EPHA10: variants seen among roughly 807,000 people sequenced by gnomAD.
EPHA10 encodes the protein EPH receptor A10.
A neutral mutation model predicts 109.7 loss-of-function variants in EPHA10; 120 were observed. The observed-to-expected ratio is 1.09, with a 90% CI of 0.94 to 1.27. The LOEUF is 1.27. Ranked by LOEUF, EPHA10 falls within the 50% of genes most tolerant of loss-of-function variation. EPHA10 has a pLI of 0.00. For missense variants in EPHA10, 1,396 were observed against 1,411.1 expected (o/e 0.99, Z 0.17); for synonymous variants, 640 against 618.9 (o/e 1.03, Z -0.51).
Position 37,761,630 on chromosome 1 carries a change from T to C in EPHA10, c.625A>G (p.Lys209Glu), listed in dbSNP as rs766201187. The C allele has an allele frequency of 2.5e-6, 4 of 1,604,810 alleles. No homozygotes were observed. The Admixed American group carries it at 5.0e-5, about 20-fold the overall frequency. Reference sequence around the variant, plus strand: ...CCCCGCACGGTGGCGCGGCACTGCTTGTAGTAGACGCGCACCGAGACAAGC... The same window carrying C: ...CCCCGCACGGTGGCGCGGCACTGCTCGTAGTAGACGCGCACCGAGACAAGC... ...VALVSVRVYY[K>E]QCRATVRGLA... The change falls in exon 3 of 17, where the codon AAG (lysine) becomes GAG (glutamate). Residue 209 changes from lysine (K) to glutamate (E), a missense_variant. Transcript: ENST00000373048.
At chr1:37,725,553 T>C (rs1645876751) in intron 8 of EPHA10, among the ~76,000 whole-genome samples, 1 of 145,676 alleles carries the variant, frequency 6.9e-6, no homozygotes, top group Non-Finnish European at 1.5e-5. Flanking sequence ...TGAAGCATTC[T>C]AGGAGGATGG....
In EPHA10 at chr1:37,741,163, T is replaced by C. The variant is rs149747516; in HGVS notation, c.1358-5773A>G. ...GTAAAATGAGAACAATGATGACACC[T>C]CCTAGGCTTGCTGTGGGAATTTTAT... On this transcript the variant is annotated intron_variant, in intron 5 of 16. Coordinates refer to ENST00000373048, the MANE Select transcript of EPHA10 (RefSeq NM_001099439.2). 5.3e-5 allele frequency among the ~76,000 whole-genome samples: 8 copies of C among 152,306 alleles called. No homozygotes were observed. In the East Asian group the frequency reaches 1.5e-3, roughly 29 times the overall value.
intron 7 of EPHA10, among the ~76,000 whole-genome samples, chr1:37,731,083 G>A (rs1311371732): frequency 6.6e-6 from 1 of 152,128 alleles, no homozygotes; most frequent in Non-Finnish European, 1.5e-5. Flanking sequence ...AAGGCCTAGT[G>A]GGGAAAGGGA....
chr1:37,735,196 C>G, intron 6 of EPHA10, 61 bp downstream of exon 6: 1 of 1,548,576 alleles, frequency 6.5e-7, no homozygotes, highest in Non-Finnish European at 8.7e-7. Context: ...GCCTGAAGAA[C>G]CAGAAGCCCT....
intron 6 of EPHA10, chr1:37,734,539 T>C (rs1346445798): frequency 2.6e-6 from 1 of 391,374 alleles, no homozygotes; most frequent in East Asian, 7.9e-5. Flanking sequence ...TGTCTCAAAA[T>C]AAATAAATAA....
chr1:37,734,723 C>G (rs1304084865), intron 6 of EPHA10: 1 of 438,000 alleles, frequency 2.3e-6, no homozygotes. Flanking sequence ...AGTTCACAAT[C>G]AAGAGTTCTG....
chr1:37,726,346 G>A (rs1645891084), intron 8 of EPHA10, among the ~76,000 whole-genome samples: 1 of 152,192 alleles, frequency 6.6e-6, no homozygotes, highest in Non-Finnish European at 1.5e-5. Flanking sequence ...CACTTTCAGT[G>A]CCTCATTCAA....
Position 37,718,191 on chromosome 1 carries a change from C to CAGTGAACGCGTTCAGACTCA in EPHA10, c.*180_*181insTGAGTCTGAACGCGTTCACT. 1.6e-6 allele frequency: 1 copy of CAGTGAACGCGTTCAGACTCA among 611,582 alleles called. No individual in the cohort carries two copies. Among genetic ancestry groups the CAGTGAACGCGTTCAGACTCA allele is most frequent in the Non-Finnish European group, 2.9e-6 (1 of 343,522 alleles). 37.9% of individuals were successfully genotyped at this position (611,582 alleles called of 1,614,324 possible). A position where few individuals can be genotyped will look rare whatever the true frequency, so the allele number is the denominator to read the frequency against. ...CTGAGTTAGCCAAGGCGTTCAGACT[C>CAGTGAACGCGTTCAGACTCA]GTGAAAATGGGAGGGGCAGGCAGTG... is the stretch of plus-strand genomic sequence containing the variant. On this transcript the variant is annotated 3_prime_UTR_variant, in exon 17 of 17. Transcript: ENST00000373048.
At chr1:37,749,506 C>T (rs2148358214) in intron 5 of EPHA10, among the ~76,000 whole-genome samples, 1 of 151,848 alleles carries the variant, frequency 6.6e-6, no homozygotes, top group East Asian at 2.0e-4. Flanking sequence ...AACCCTGTCT[C>T]TACTAAAAAT....
chr1:37,732,758 GC>G (rs952675953), intron 6 of EPHA10, among the ~76,000 whole-genome samples: 43 of 151,938 alleles, frequency 2.8e-4, no homozygotes, highest in African/African-American at 9.7e-4. Context: ...CCAGAGGGGA[GC>G]TGCCAGACAC....
chr1:37,743,793 G>C (rs1294399297), intron 5 of EPHA10, among the ~76,000 whole-genome samples: 1 of 152,122 alleles, frequency 6.6e-6, no homozygotes, highest in African/African-American at 2.4e-5. Context: ...GGCAGGCTAG[G>C]TGCATTAAAT....
intron 11 of EPHA10, 27 bp from the exon 12 acceptor site, chr1:37,720,871 G>GC: frequency 6.2e-7 from 1 of 1,612,948 alleles, no homozygotes. Context: ...GAACACACAT[G>GC]CTAAGTTGTC....
chr1:37,723,483 TGG>T (rs1157037881), intron 8 of EPHA10, 111 bp from the exon 9 acceptor site: 1 of 1,223,358 alleles, frequency 8.2e-7, no homozygotes, highest in Non-Finnish European at 1.1e-6. Context: ...GCCTGTGCCC[TGG>T]GGGAGGGAAC....
Position 37,765,086 on chromosome 1 carries a change from C to A in EPHA10, c.-20G>T, listed in dbSNP as rs12561764. ...CTCCATGGTCCGCAGACCGAGCTGT[C>A]AGTCCGGCGGCGGCTCAAGCCGCGC... is the stretch of plus-strand genomic sequence containing the variant. On this transcript the variant is annotated 5_prime_UTR_variant, in exon 1 of 17. Transcript: ENST00000373048. 0.021 allele frequency: 33,670 copies of A among 1,571,182 alleles called. 1,778 individuals carry two copies. Among genetic ancestry groups the A allele is most frequent in the East Asian group, 0.2 (8,597 of 43,042 alleles).
At chr1:37,755,605 C>A (rs901696123) in intron 3 of EPHA10, among the ~76,000 whole-genome samples, 8 of 152,166 alleles carry the variant, frequency 5.3e-5, no homozygotes, top group African/African-American at 1.9e-4. Flanking sequence ...TGCTGTGTGG[C>A]CTTGAGCACA....
chr1:37,719,697 GACACACACAC>G lies in EPHA10; in HGVS notation c.2563-100_2563-91del, dbSNP rs149811548. The G allele has an allele frequency of 1.1e-5, 15 of 1,414,814 alleles. No homozygotes were observed. The African/African-American group carries it at 2.2e-4, about 20-fold the overall frequency. 87.6% of individuals were successfully genotyped at this position (1,414,814 alleles called of 1,614,324 possible). A position where few individuals can be genotyped will look rare whatever the true frequency, so the allele number is the denominator to read the frequency against. ...ACACACATGCACACACACAGACACA[GACACACACAC>G]ACACATGCGCACACACAGACACAGA... On this transcript the variant is annotated intron_variant, in intron 14 of 16. Coordinates refer to ENST00000373048, the MANE Select transcript of EPHA10 (RefSeq NM_001099439.2).
intron 8 of EPHA10, among the ~76,000 whole-genome samples, chr1:37,724,931 T>G (rs899956558): frequency 6.6e-6 from 1 of 152,088 alleles, no homozygotes; most frequent in Admixed American, 6.5e-5. Context: ...ATGTTCACTG[T>G]TATGGGGGGC....
At chr1:37,762,728 C>A in intron 2 of EPHA10, 57 bp downstream of exon 2, 2 of 1,463,456 alleles carry the variant, frequency 1.4e-6, no homozygotes, top group Non-Finnish European at 9.2e-7. Context: ...GCTGAGGAGA[C>A]TGTGTCCTGG....
Position 37,763,256 on chromosome 1 carries a change from G to A in EPHA10, c.107-407C>T, listed in dbSNP as rs139648661. On this transcript the variant is annotated intron_variant, in intron 1 of 16. Coordinates refer to ENST00000373048, the MANE Select transcript of EPHA10 (RefSeq NM_001099439.2). The stretch of plus-strand genomic sequence containing the variant: ...AACTCATGTCCTTACCATCTTCAGC[G>A]TCTGGTGGCCGCCTGTAGTCCCTAG... Among the ~76,000 whole-genome samples the A allele has an allele frequency of 5.9e-5, 9 of 152,174 alleles. No individual in the cohort carries two copies. The East Asian group carries it at 7.7e-4, about 13-fold the overall frequency.
Sources: allele counts gnomAD v4.1 joint callset (sites outside exome capture counted in the v4.1 genomes callset), GRCh38; gene constraint gnomAD v4.1.1; transcripts MANE v1.5; gene names NCBI Gene and HGNC (gene_info 2026-07-23, HGNC 2026-07-21).